Variants in C8orf34 observed in about 807,000 individuals in gnomAD.
The protein encoded by C8orf34 is uncharacterized protein C8orf34.
A neutral mutation model predicts 68.3 loss-of-function variants in C8orf34; 65 were observed. The observed-to-expected ratio is 0.95, with a 90% CI of 0.78 to 1.17. The LOEUF (loss-of-function observed/expected upper bound fraction) is 1.17, where lower values mean the gene tolerates loss of function less well. C8orf34 is among the 50% of genes most tolerant of loss of function. C8orf34 has a pLI of 0.00. For synonymous variants in C8orf34, 244 were observed against 241.2 expected (o/e 1.01, Z -0.11); for missense variants, 664 against 655.4 (o/e 1.01, Z -0.14).
At chr8:68,439,738 A>T in intron 2 of C8orf34, 92 bp downstream of exon 2, 1 of 1,279,870 alleles carries the variant, frequency 7.8e-7, no homozygotes, top group Non-Finnish European at 1.1e-6. Context: ...AAATCTAGAT[A>T]GATAGTTACC....
In C8orf34 at chr8:68,457,482, G is replaced by A. The variant is rs577713906; in HGVS notation, c.607+11022G>A. 7.9e-5 allele frequency among the ~76,000 whole-genome samples: 12 copies of A among 152,182 alleles called. No individual in the cohort carries two copies. The South Asian group carries it at 2.5e-3, about 32-fold the overall frequency. On this transcript the variant is annotated intron_variant, in intron 3 of 13. Transcript: ENST00000518698. ...GCATTTATTAAATTTTAGAAAACAG[G>A]GTTGAAAGTTATTTTGGTTCAAAGG...
chr8:68,333,559 T>A (rs895938053), intron 1 of C8orf34, among the ~76,000 whole-genome samples: 18 of 152,194 alleles, frequency 1.2e-4, no homozygotes, highest in Non-Finnish European at 2.4e-4. Context: ...TTGGAAGATT[T>A]TACTAGCGTG....
At chr8:68,608,129 A>C (rs577937044) in intron 7 of C8orf34, among the ~76,000 whole-genome samples, 10,829 of 152,186 alleles carry the variant, frequency 0.071, 553 homozygotes, top group African/African-American at 0.14. Context: ...CAGAAAAAAA[A>C]ACAATAAAAC....
At chr8:68,420,624 G>A (rs1330065001) in intron 1 of C8orf34, among the ~76,000 whole-genome samples, 1 of 152,050 alleles carries the variant, frequency 6.6e-6, no homozygotes, top group South Asian at 2.1e-4. Flanking sequence ...GGACAGTCTA[G>A]GGATATAAGA....
chr8:68,397,992 C>A (rs1024814280), intron 1 of C8orf34, among the ~76,000 whole-genome samples: 2 of 152,108 alleles, frequency 1.3e-5, no homozygotes, highest in Non-Finnish European at 2.9e-5. Flanking sequence ...TGGTCTCGAA[C>A]TCCTGGCCTT....
intron 12 of C8orf34, chr8:68,791,323 A>C (rs12680154): frequency 0.15 from 26,024 of 177,430 alleles, 2,743 homozygotes; most frequent in East Asian, 0.48. Flanking sequence ...CTCATTATCA[A>C]GAGAACAACA....
At chr8:68,805,822 G>A (rs559309048) in intron 12 of C8orf34, among the ~76,000 whole-genome samples, 1 of 152,118 alleles carries the variant, frequency 6.6e-6, no homozygotes, top group South Asian at 2.1e-4. Context: ...TGTGCGTAGT[G>A]TAATTATTAT....
At chr8:68,670,172 T>A (rs1298532268) in intron 8 of C8orf34, among the ~76,000 whole-genome samples, 3 of 152,254 alleles carry the variant, frequency 2.0e-5, no homozygotes, top group East Asian at 3.9e-4. Flanking sequence ...ATATCCCAAA[T>A]TTTGGCATTT....
intron 8 of C8orf34, among the ~76,000 whole-genome samples, chr8:68,645,907 T>A (rs1162922341): frequency 6.6e-6 from 1 of 152,164 alleles, no homozygotes; most frequent in East Asian, 1.9e-4. Flanking sequence ...GCATGTTGGG[T>A]ACTTTGAACT....
At chr8:68,811,350 A>G (rs984582380) in intron 12 of C8orf34, among the ~76,000 whole-genome samples, 2 of 152,244 alleles carry the variant, frequency 1.3e-5, no homozygotes, top group Non-Finnish European at 2.9e-5. Flanking sequence ...CTGCAGGGGC[A>G]GGTGATCTTC....
intron 12 of C8orf34, among the ~76,000 whole-genome samples, chr8:68,804,669 C>G (rs1824432212): frequency 6.6e-6 from 1 of 152,046 alleles, no homozygotes; most frequent in Admixed American, 6.6e-5. Flanking sequence ...CTACTTGGTA[C>G]TTGGGAGGCT....
intron 7 of C8orf34, among the ~76,000 whole-genome samples, chr8:68,539,021 G>C (rs180808403): frequency 1.3e-4 from 20 of 152,168 alleles, no homozygotes; most frequent in African/African-American, 4.3e-4. Flanking sequence ...AATTATAAAA[G>C]TGTTGAAAAT....
At chr8:68,672,642 A>G (rs1414654246) in intron 8 of C8orf34, among the ~76,000 whole-genome samples, 1 of 152,164 alleles carries the variant, frequency 6.6e-6, no homozygotes, top group Admixed American at 6.5e-5. Context: ...CCTTGCCTCC[A>G]TGGGCTAAAT....
chr8:68,751,322 G>T (rs1822701921), intron 10 of C8orf34, among the ~76,000 whole-genome samples: 1 of 152,128 alleles, frequency 6.6e-6, no homozygotes, highest in African/African-American at 2.4e-5. Context: ...TCAATTACAT[G>T]GTATTTCAAG....
intron 7 of C8orf34, among the ~76,000 whole-genome samples, chr8:68,611,474 A>G (rs1051169158): frequency 1.2e-4 from 19 of 152,174 alleles, no homozygotes; most frequent in Non-Finnish European, 2.4e-4. Flanking sequence ...TTTCATAAAT[A>G]CTTTTATACC....
rs147590169 is a variant in C8orf34 at position 68,446,427 on chromosome 8, A to G, written c.574A>G (p.Asn192Asp). Residue 192 changes from asparagine to aspartate, a missense_variant, in exon 3 of 14, where the codon AAT becomes GAT. Transcript: ENST00000518698. ...ATCAAAAAGTGACCTTGCTGTGTCT[A>G]ATATTTCTCCACCATCACCGGACTC... ...KKSKSDLAVS[N>D]ISPPSPDSKS... The G allele has an allele frequency of 1.9e-6, 3 of 1,613,228 alleles. No individual in the cohort carries two copies. Among genetic ancestry groups the G allele is most frequent in the Non-Finnish European group, 1.7e-6 (2 of 1,179,582 alleles).
intron 8 of C8orf34, among the ~76,000 whole-genome samples, chr8:68,701,257 A>G (rs1263113129): frequency 5.3e-5 from 8 of 152,038 alleles, no homozygotes; most frequent in Admixed American, 3.3e-4. Context: ...CTACACCTCT[A>G]CCTACCTGTC....
intron 10 of C8orf34, among the ~76,000 whole-genome samples, chr8:68,748,745 T>C (rs1822596056): frequency 6.6e-6 from 1 of 152,140 alleles, no homozygotes; most frequent in Admixed American, 6.5e-5. Context: ...CAACAGGTGC[T>C]GGAGAGAATG....
intron 1 of C8orf34, chr8:68,437,909 C>A (rs1455956913): frequency 6.6e-6 from 1 of 152,026 alleles, no homozygotes; most frequent in African/African-American, 2.4e-5. Context: ...TCCATTTATC[C>A]TCTGCCCAGG....
Sources: allele counts gnomAD v4.1 joint callset (sites outside exome capture counted in the v4.1 genomes callset), GRCh38; gene constraint gnomAD v4.1.1; transcripts MANE v1.5; gene names NCBI Gene and HGNC (gene_info 2026-07-23, HGNC 2026-07-21).